Variants in SMOC2 observed in about 807,000 individuals in gnomAD.
SMOC2 encodes SPARC-related modular calcium-binding protein 2.
In SMOC2, 39 loss-of-function variants were observed where a neutral mutation model predicts 61.4. The observed-to-expected ratio is 0.64, with a 90% CI of 0.49 to 0.83. The LOEUF (loss-of-function observed/expected upper bound fraction) is 0.83. SMOC2 is among the 40% of genes least tolerant of loss of function. SMOC2 has a pLI of 0.00. For synonymous variants in SMOC2, 247 were observed against 239.9 expected (o/e 1.03, Z -0.27); for missense variants, 556 against 592.9 (o/e 0.94, Z 0.65).
chr6:168,495,229 A>C (rs1294092417), intron 1 of SMOC2, among the ~76,000 whole-genome samples: 5 of 152,306 alleles, frequency 3.3e-5, no homozygotes, highest in Middle Eastern at 6.8e-3. Flanking sequence ...CCTCCGGCCA[A>C]GGGAAAGGCT....
Position 168,625,744 on chromosome 6 carries a change from A to C in SMOC2, c.907+17505A>C, listed in dbSNP as rs374184171. ...TGGGCCCCAGGAGCAAATGAAAGCA[A>C]ATGCGCCTGTCCACACCCAGACCTG... On this transcript the variant is annotated intron_variant, in intron 9 of 12. Transcript: ENST00000356284. 2.5e-4 allele frequency among the ~76,000 whole-genome samples: 38 copies of C among 152,296 alleles called. No homozygotes were observed. The South Asian group carries it at 5.4e-3, about 22-fold the overall frequency.
intron 9 of SMOC2, among the ~76,000 whole-genome samples, chr6:168,636,864 G>GCCTCCCT (rs1433130691): frequency 1.3e-5 from 1 of 75,386 alleles, no homozygotes; most frequent in African/African-American, 5.5e-5. Context: ...CCCTCCTCCC[G>GCCTCCCT]CCTCCCTCCT....
At chr6:168,650,425 T>C (rs1227091097) in intron 9 of SMOC2, among the ~76,000 whole-genome samples, 2 of 152,202 alleles carry the variant, frequency 1.3e-5, no homozygotes, top group Non-Finnish European at 2.9e-5. Context: ...CCGATTGCAG[T>C]TCTGAAGATC....
intron 7 of SMOC2, among the ~76,000 whole-genome samples, chr6:168,577,984 G>A (rs1012307430): frequency 2.0e-5 from 3 of 152,226 alleles, no homozygotes; most frequent in African/African-American, 7.2e-5. Flanking sequence ...CCCTTGGATT[G>A]CATTCTGCTT....
intron 1 of SMOC2, among the ~76,000 whole-genome samples, chr6:168,491,900 G>A (rs1372778055): frequency 1.3e-5 from 2 of 152,152 alleles, no homozygotes; most frequent in African/African-American, 2.4e-5. Context: ...TGCAGGTATC[G>A]CTAACTACAT....
intron 9 of SMOC2, among the ~76,000 whole-genome samples, chr6:168,622,765 T>C (rs890454988): frequency 4.6e-5 from 7 of 152,042 alleles, no homozygotes. Flanking sequence ...GGGGGGAAGC[T>C]GAGGTACAAA....
chr6:168,634,820 T>C (rs1290865522), intron 9 of SMOC2, among the ~76,000 whole-genome samples: 1 of 152,238 alleles, frequency 6.6e-6, no homozygotes, highest in Non-Finnish European at 1.5e-5. Flanking sequence ...TCAGCCTGAT[T>C]TCTGATTTCC....
chr6:168,464,444 C>T lies in SMOC2; in HGVS notation c.84+22990C>T, dbSNP rs553072532. On this transcript the variant is annotated intron_variant, in intron 1 of 12. Transcript: ENST00000356284. ...GGAGGGCAGCCTGTCCGGTGCCATT[C>T]CTGGATGTATTATTTCCACTGTGAA... is the stretch of plus-strand genomic sequence containing the variant. Among the ~76,000 whole-genome samples, 4 of 152,220 alleles carry T rather than the reference C, an allele frequency of 2.6e-5. No homozygotes were observed. The South Asian group carries it at 6.2e-4, about 24-fold the overall frequency.
chr6:168,497,375 C>T (rs568803598), intron 1 of SMOC2, among the ~76,000 whole-genome samples: 7 of 152,350 alleles, frequency 4.6e-5, no homozygotes, highest in South Asian at 2.1e-4. Flanking sequence ...TGCCCCCAGG[C>T]GTGGGCAAAG....
In SMOC2 at chr6:168,483,293, TA is replaced by T. The variant is rs1782253756; in HGVS notation, c.85-26620del. 4.6e-5 allele frequency among the ~76,000 whole-genome samples: 7 copies of T among 152,170 alleles called. No homozygotes were observed. In the South Asian group the frequency reaches 1.5e-3, roughly 32 times the overall value. ...AAAAATCAATTGCACTTCTGTACAC[TA>T]ATGATGGACACTCTGAAAAGGAAAT... is the stretch of plus-strand genomic sequence containing the variant. On this transcript the variant is annotated intron_variant, in intron 1 of 12. Transcript: ENST00000356284.
At chr6:168,633,572 A>T (rs763199201) in intron 9 of SMOC2, among the ~76,000 whole-genome samples, 2 of 152,214 alleles carry the variant, frequency 1.3e-5, no homozygotes, top group African/African-American at 4.8e-5. Context: ...CCAAACAAAA[A>T]AAAATACAGA....
chr6:168,544,092 C>G lies in SMOC2; in HGVS notation c.511+420C>G, dbSNP rs933348924. Among the ~76,000 whole-genome samples the G allele has an allele frequency of 1.3e-5, 2 of 152,144 alleles. No individual in the cohort carries two copies. Among genetic ancestry groups the G allele is most frequent in the African/African-American group, 4.8e-5 (2 of 41,436 alleles). On this transcript the variant is annotated intron_variant, in intron 5 of 12. Coordinates refer to ENST00000356284, the MANE Select transcript of SMOC2 (RefSeq NM_001166412.2). The surrounding 1 kb of genome is among the most constrained non-coding windows in gnomAD (Gnocchi z 4.1). ...AACAGTTTTTCTACCTACAGCAATC[C>G]CTGCCTCTGAGACTGGTACAAACAA...
intron 1 of SMOC2, among the ~76,000 whole-genome samples, chr6:168,508,201 A>T (rs896640445): frequency 7.9e-5 from 12 of 152,240 alleles, no homozygotes; most frequent in African/African-American, 1.4e-4. Context: ...TGAAGATTTT[A>T]AAAAATGTAT....
chr6:168,461,270 A>T (rs1341157788), intron 1 of SMOC2, among the ~76,000 whole-genome samples: 5 of 152,152 alleles, frequency 3.3e-5, no homozygotes, highest in Non-Finnish European at 7.3e-5. Flanking sequence ...TCCATGATTC[A>T]ATCATCTCCC....
chr6:168,529,726 G>T (rs1412517866), intron 4 of SMOC2, among the ~76,000 whole-genome samples: 1 of 152,204 alleles, frequency 6.6e-6, no homozygotes, highest in East Asian at 1.9e-4. Context: ...CAAACACAGA[G>T]AATTTATCAT....
At chr6:168,458,257 G>A (rs78175788) in intron 1 of SMOC2, among the ~76,000 whole-genome samples, 4 of 152,046 alleles carry the variant, frequency 2.6e-5, no homozygotes, top group African/African-American at 4.8e-5. Flanking sequence ...CCCTCCGGGG[G>A]CATCGTGCTG....
At position 168,527,712 on chromosome 6, in the gene SMOC2, A is replaced by G; in HGVS notation, c.448A>G (p.Thr150Ala). The G allele has an allele frequency of 6.4e-7, 1 of 1,551,172 alleles. No homozygotes were observed. The highest frequency in any genetic ancestry group is 8.7e-7 in the Non-Finnish European group (1 of 1,146,850). ...PISGTAVAHK[T>A]PRCPGSVNEK... ...CAGCGGCACTGCCGTGGCCCACAAG[A>G]CGCCCCGGTGCCCGGGTAGGTCTGA... The change falls in exon 4 of 13, where the codon ACG (threonine) becomes GCG (alanine). Residue 150 changes from threonine (T) to alanine (A), a missense_variant. Transcript: ENST00000356284.
At position 168,598,895 on chromosome 6, in the gene SMOC2, G is replaced by A. The variant is rs1785400071; in HGVS notation, c.715G>A (p.Glu239Lys). ...QPKNDNVVIP[E>K]CAHGGLYKPV... ...CAAGAACGACAATGTGGTGATCCCT[G>A]AGTGTGCGCACGGCGGCCTCTACAA... The change falls in exon 8 of 13, where the codon GAG (glutamate) becomes AAG (lysine). Residue 239 changes from glutamate (E) to lysine (K), a missense_variant. Coordinates refer to ENST00000356284, the MANE Select transcript of SMOC2 (RefSeq NM_001166412.2). 6.2e-7 allele frequency: 1 copy of A among 1,613,862 alleles called. No individual in the cohort carries two copies. The highest frequency in any genetic ancestry group is 8.5e-7 in the Non-Finnish European group (1 of 1,179,850).
At chr6:168,558,656 G>C (rs1784306338) in intron 7 of SMOC2, among the ~76,000 whole-genome samples, 1 of 152,240 alleles carries the variant, frequency 6.6e-6, no homozygotes, top group Non-Finnish European at 1.5e-5. Context: ...TTGGTGTCTA[G>C]GAATGGAATT....
Sources: allele counts gnomAD v4.1 joint callset (sites outside exome capture counted in the v4.1 genomes callset), GRCh38; gene constraint gnomAD v4.1.1; non-coding constraint Gnocchi (gnomAD v3.1); transcripts MANE v1.5; gene names NCBI Gene and HGNC (gene_info 2026-07-23, HGNC 2026-07-21).